The following SSR1 variants were observed in gnomAD, a reference collection of about 807,000 sequenced individuals.
SSR1 encodes signal sequence receptor subunit 1, also known as translocon-associated protein subunit alpha.
SSR1 carries 13 observed loss-of-function variants against 36.1 expected under a neutral mutation model. That is an observed-to-expected ratio of 0.36 (90% CI 0.23 to 0.57). The LOEUF is 0.57. SSR1 is among the 20% of genes least tolerant of loss of function. SSR1 has a pLI of 0.81. For missense variants in SSR1, 291 were observed against 338.5 expected (o/e 0.86, Z 1.10); for synonymous variants, 113 against 118.9 (o/e 0.95, Z 0.32).
Position 7,287,434 on chromosome 6 carries a change from T to C in SSR1, c.*2430A>G, listed in dbSNP as rs1757579230. The C allele has an allele frequency of 6.6e-6, 1 of 152,186 alleles. No homozygotes were observed. 9.4% of individuals were successfully genotyped at this position (152,186 alleles called of 1,614,324 possible). ...TCTTTTCTTCTGATTTCTACTTTAC[T>C]CCTTCCCTGAGGCTTCTACTTCTGA... On this transcript the variant is annotated 3_prime_UTR_variant, in exon 8 of 8. Transcript: ENST00000244763.
At chr6:7,304,508 T>C (rs1758008792) in intron 2 of SSR1, among the ~76,000 whole-genome samples, 1 of 151,652 alleles carries the variant, frequency 6.6e-6, no homozygotes, top group Admixed American at 6.6e-5. Flanking sequence ...CACATAATTT[T>C]GAAGGAAAAA....
chr6:7,298,919 T>C, intron 4 of SSR1, 96 bp from the exon 5 acceptor site: 2 of 939,446 alleles, frequency 2.1e-6, no homozygotes, highest in East Asian at 5.1e-5. Flanking sequence ...ACAGATTGAA[T>C]ATAGCCTTCC....
At chr6:7,294,978 A>G (rs1757761352) in intron 7 of SSR1, 2 of 941,176 alleles carry the variant, frequency 2.1e-6, no homozygotes, top group Non-Finnish European at 3.0e-6. Flanking sequence ...AATAAAATGT[A>G]GTAAGAAAAA....
intron 2 of SSR1, 75 bp downstream of exon 2, chr6:7,309,842 C>T: frequency 8.2e-7 from 1 of 1,226,562 alleles, no homozygotes; most frequent in Non-Finnish European, 1.2e-6. Context: ...TTGGGTATGT[C>T]TTTATTAGCA....
At chr6:7,306,910 C>A (rs555355928) in intron 2 of SSR1, among the ~76,000 whole-genome samples, 5 of 113,054 alleles carry the variant, frequency 4.4e-5, no homozygotes, top group African/African-American at 2.0e-4. Context: ...GAGCGAGACT[C>A]TGTCTGGGTG....
rs930848767 is a variant in SSR1 at position 7,313,029 on chromosome 6, C to A, written c.79+13G>T. On this transcript the variant is annotated intron_variant, in intron 1 of 7. Coordinates refer to ENST00000244763, the MANE Select transcript of SSR1 (RefSeq NM_003144.5). The stretch of plus-strand genomic sequence containing the variant: ...TTCCTGGCCATCCCCTCCGCACACT[C>A]CCCCAGCCTCACCTCTGGGGCCGCC... 4 of 1,593,210 alleles carry A rather than the reference C, an allele frequency of 2.5e-6. No individual in the cohort carries two copies. The African/African-American group carries it at 5.4e-5, about 21-fold the overall frequency.
At chr6:7,304,556 A>C (rs1758010091) in intron 2 of SSR1, among the ~76,000 whole-genome samples, 1 of 152,222 alleles carries the variant, frequency 6.6e-6, no homozygotes, top group Non-Finnish European at 1.5e-5. Context: ...GGGTTGATAG[A>C]AACGTCCTAA....
intron 3 of SSR1, among the ~76,000 whole-genome samples, chr6:7,302,098 A>G (rs1366664506): frequency 6.6e-6 from 1 of 152,278 alleles, no homozygotes; most frequent in Admixed American, 6.5e-5. Flanking sequence ...AGCTACAAAA[A>G]TGGAAGAAAA....
chr6:7,301,497 G>C lies in SSR1; in HGVS notation c.356C>G (p.Ser119Cys). Residue 119 changes from serine to cysteine, a missense_variant, in exon 4 of 8, where the codon TCC (serine) becomes TGC (cysteine). Ser to Cys is a moderately radical substitution (Grantham distance 112). Transcript: ENST00000244763. The part of the protein sequence containing the change: ...NKGTEDFIVE[S>C]LDASFRYPQD... ...AGGATAACGGAATGAGGCATCTAAG[G>C]ATTCAACAATAAAATCTTCTGTACC... 2 of 1,614,060 alleles carry C rather than the reference G, an allele frequency of 1.2e-6. No individual in the cohort carries two copies.
chr6:7,308,219 G>C (rs1041875333), intron 2 of SSR1, among the ~76,000 whole-genome samples: 1 of 152,180 alleles, frequency 6.6e-6, no homozygotes, highest in Non-Finnish European at 1.5e-5. Context: ...AATTAGGAGA[G>C]TTCACAAATT....
rs35763826 is a variant in SSR1 at position 7,303,138 on chromosome 6, TAAAAAAA to T, written c.280+405_280+411del. Among the ~76,000 whole-genome samples, 20 of 42,918 alleles carry T rather than the reference TAAAAAAA, an allele frequency of 4.7e-4. 1 individual carries two copies. Among genetic ancestry groups the T allele is most frequent in the East Asian group, 4.4e-3 (5 of 1,136 alleles). The allele number at this position is 42,918 out of a possible 152,430, so 28.2% of individuals were successfully genotyped here. A position where few individuals can be genotyped will look rare whatever the true frequency, so the allele number is the denominator to read the frequency against. ...TGGGTGACAGAGCGAGACTACATCT[TAAAAAAA>T]AAAAAAAAAAAAAAAAAAAGACAAA... On this transcript the variant is annotated intron_variant, in intron 3 of 7. Coordinates refer to ENST00000244763, the MANE Select transcript of SSR1 (RefSeq NM_003144.5).
At position 7,286,484 on chromosome 6, in the gene SSR1, G is replaced by C. The variant is rs1366598018; in HGVS notation, c.*3380C>G. On this transcript the variant is annotated 3_prime_UTR_variant, in exon 8 of 8. Coordinates refer to ENST00000244763, the MANE Select transcript of SSR1 (RefSeq NM_003144.5). ...AACAACGAAACCTAACATTCCACCA[G>C]TAAGAATCTTGTTTGTGTGTGAAGC... 6.6e-6 allele frequency: 1 copy of C among 152,202 alleles called. No homozygotes were observed. Among genetic ancestry groups the C allele is most frequent in the Admixed American group, 6.5e-5 (1 of 15,288 alleles). 9.4% of individuals were successfully genotyped at this position (152,202 alleles called of 1,614,324 possible).
Position 7,313,038 on chromosome 6 carries a change from T to C in SSR1, c.79+4A>G. On this transcript the variant is annotated splice_donor_region_variant and intron_variant, in intron 1 of 7. Transcript: ENST00000244763. ...ATCCCCTCCGCACACTCCCCCAGCC[T>C]CACCTCTGGGGCCGCCTCGGAACAA... 1 of 1,600,376 alleles carries C rather than the reference T, an allele frequency of 6.2e-7. No homozygotes were observed. Among genetic ancestry groups the C allele is most frequent in the Non-Finnish European group, 8.5e-7 (1 of 1,173,620 alleles).
intron 7 of SSR1, among the ~76,000 whole-genome samples, chr6:7,290,392 C>T (rs1757655810): frequency 7.9e-6 from 1 of 127,200 alleles, no homozygotes. Flanking sequence ...ATTCTATGCA[C>T]ACAAGCTGTA....
In SSR1 at chr6:7,287,938, T is replaced by A. The variant is rs1219014424; in HGVS notation, c.*1926A>T. ...TCAATCTATGCTAAAAAAAAAAAAA[T>A]GACAAATAATAAATTCTACATTTCC... On this transcript the variant is annotated 3_prime_UTR_variant, in exon 8 of 8. Coordinates refer to ENST00000244763, the MANE Select transcript of SSR1 (RefSeq NM_003144.5). The A allele has an allele frequency of 2.0e-5, 3 of 150,526 alleles. No individual in the cohort carries two copies. The highest frequency in any genetic ancestry group is 3.0e-5 in the Non-Finnish European group (2 of 67,530). The allele number at this position is 150,526 out of a possible 1,614,324, so 9.3% of individuals were successfully genotyped here.
chr6:7,310,843 A>G (rs1202308589), intron 1 of SSR1, among the ~76,000 whole-genome samples: 1 of 152,198 alleles, frequency 6.6e-6, no homozygotes, highest in Non-Finnish European at 1.5e-5. Context: ...CCCAGGAGGC[A>G]GAAGTTGCAG....
intron 7 of SSR1, 195 bp downstream of exon 7, chr6:7,295,197 A>G: frequency 1.5e-6 from 2 of 1,368,804 alleles, no homozygotes; most frequent in Non-Finnish European, 2.0e-6. Flanking sequence ...AGAATTTCCA[A>G]ATTAAAGCAT....
rs1188003178 is a variant in SSR1, at chr6:7,309,780, C to T, written c.192+137G>A. ...GTAAGTTTCCTGAGGCCTCCCCAGT[C>T]ATGCTGAACTGTGGGTCAATGAAAC... On this transcript the variant is annotated intron_variant, in intron 2 of 7. Transcript: ENST00000244763. The T allele has an allele frequency of 1.5e-5, 11 of 723,150 alleles. No individual in the cohort carries two copies. In the Admixed American group the frequency reaches 1.8e-4, roughly 12 times the overall value. 44.8% of individuals were successfully genotyped at this position (723,150 alleles called of 1,614,324 possible). A position where few individuals can be genotyped will look rare whatever the true frequency, so the allele number is the denominator to read the frequency against.
In SSR1 at chr6:7,287,854, ATACT is replaced by A. The variant is rs560256903; in HGVS notation, c.*2006_*2009del. The A allele has an allele frequency of 1.4e-3, 211 of 152,756 alleles. No homozygotes were observed. The highest frequency in any genetic ancestry group is 2.0e-3 in the Non-Finnish European group (138 of 68,028). The allele number at this position is 152,756 out of a possible 1,614,324, so 9.5% of individuals were successfully genotyped here. On this transcript the variant is annotated 3_prime_UTR_variant, in exon 8 of 8. Transcript: ENST00000244763. ...TCATTACGGAGTTAGTTTCTGCTAA[ATACT>A]TACTGATGCTAGAGCAGACCCCTGG... is the stretch of plus-strand genomic sequence containing the variant.
Sources: gnomAD v4.1 joint callset for allele counts (sites outside exome capture counted in the v4.1 genomes callset) on GRCh38, gnomAD v4.1.1 for gene constraint, MANE v1.5 for transcripts, NCBI Gene and HGNC (gene_info 2026-07-23, HGNC 2026-07-21) for gene names.